The following ZC3H12B variants were observed in gnomAD, a reference collection of about 807,000 sequenced individuals.
ZC3H12B encodes probable ribonuclease ZC3H12B.
In ZC3H12B, 7 loss-of-function variants were observed where a neutral mutation model predicts 43.9. The observed-to-expected ratio is 0.16, with a 90% confidence interval of 0.09 to 0.30. The LOEUF is 0.30. Ranked by LOEUF, ZC3H12B falls within the 10% of genes least tolerant of loss-of-function variation. The pLI, the probability that ZC3H12B is intolerant of heterozygous loss-of-function variation, is 1.00. For synonymous variants in ZC3H12B, 222 were observed against 241.7 expected (o/e 0.92, Z 0.76); for missense variants, 475 against 670.2 (o/e 0.71, Z 3.22).
intron 1 of ZC3H12B, among the ~76,000 whole-genome samples, chrX:65,367,478 A>AT (rs948481338): frequency 6.3e-5 from 7 of 111,513 alleles, no homozygotes; most frequent in African/African-American, 1.6e-4. Flanking sequence ...GCTACATACC[A>AT]TTTTTTTGAA....
upstream of ZC3H12B, among the ~76,000 whole-genome samples, chrX:65,487,032 A>G (rs1481219765): frequency 8.9e-6 from 1 of 112,730 alleles, no homozygotes; most frequent in African/African-American, 3.2e-5. Context: ...GGAACTTATA[A>G]GGAAATTGGT....
At chrX:65,403,782 G>A (rs2066791057) in intron 3 of ZC3H12B, among the ~76,000 whole-genome samples, 2 of 111,440 alleles carry the variant, frequency 1.8e-5, no homozygotes, top group South Asian at 3.7e-4. Context: ...AAAAGCTGAG[G>A]GATTTCATTC....
chrX:65,070,025 AT>A, the ZC3H12B span, among the ~76,000 whole-genome samples: 293 of 99,090 alleles, frequency 3.0e-3, no homozygotes, highest in South Asian at 4.5e-3. Context: ...AGTGGTACAG[AT>A]TTTTTTTTTT....
chrX:65,215,466 C>T, the ZC3H12B span, among the ~76,000 whole-genome samples: 1 of 110,700 alleles, frequency 9.0e-6, no homozygotes, highest in Non-Finnish European at 1.9e-5. Context: ...ACTTCAACTT[C>T]ATGAATCAAC....
At chrX:65,453,684 C>T (rs915639080) in intron 3 of ZC3H12B, among the ~76,000 whole-genome samples, 3 of 108,327 alleles carry the variant, frequency 2.8e-5, no homozygotes, top group East Asian at 2.9e-4. Context: ...ATCATGCCAC[C>T]GCACTCGAGC....
At chrX:65,260,012 G>A in the ZC3H12B span, among the ~76,000 whole-genome samples, 8 of 111,385 alleles carry the variant, frequency 7.2e-5, no homozygotes, top group Admixed American at 9.6e-5. Context: ...ATATGTAGGC[G>A]TTGAGCTGTG....
the ZC3H12B span, among the ~76,000 whole-genome samples, chrX:65,250,946 A>T: frequency 9.0e-6 from 1 of 111,182 alleles, no homozygotes; most frequent in Non-Finnish European, 1.9e-5. Context: ...GTTTAATTAG[A>T]TCCCATTTGT....
chrX:65,190,751 C>A, the ZC3H12B span, among the ~76,000 whole-genome samples: 1 of 107,518 alleles, frequency 9.3e-6, no homozygotes, highest in South Asian at 4.2e-4. Flanking sequence ...CAAACAGGGA[C>A]AATTTGACTT....
intron 3 of ZC3H12B, among the ~76,000 whole-genome samples, chrX:65,436,478 C>T (rs1602435487): frequency 1.8e-5 from 2 of 112,465 alleles, no homozygotes; most frequent in East Asian, 5.5e-4. Flanking sequence ...GATCTTCCTT[C>T]CTCAGCCCAC....
intron 2 of ZC3H12B, among the ~76,000 whole-genome samples, chrX:65,372,303 C>T (rs2066255792): frequency 9.0e-6 from 1 of 111,673 alleles, no homozygotes; most frequent in Non-Finnish European, 1.9e-5. Flanking sequence ...CAAAAACATG[C>T]ATTCCAAGCC....
At chrX:65,448,855 AGAAGGGAG>A (rs1488222298) in intron 3 of ZC3H12B, among the ~76,000 whole-genome samples, 1 of 99,978 alleles carries the variant, frequency 1.0e-5, no homozygotes, top group African/African-American at 4.0e-5. Flanking sequence ...GAGGAAGGAA[AGAAGGGAG>A]GAAGGGAGGG....
chrX:65,465,965 G>A (rs181320437), intron 3 of ZC3H12B, among the ~76,000 whole-genome samples: 51 of 110,031 alleles, frequency 4.6e-4, no homozygotes, highest in African/African-American at 1.7e-3. Flanking sequence ...AAGCTAATTA[G>A]CATATCCATC....
the ZC3H12B span, among the ~76,000 whole-genome samples, chrX:65,142,899 T>C: frequency 1.8e-4 from 20 of 112,518 alleles, no homozygotes; most frequent in Non-Finnish European, 2.4e-4. Flanking sequence ...TTGGTGACTA[T>C]GGCCATATAG....
intron 3 of ZC3H12B, among the ~76,000 whole-genome samples, chrX:65,427,366 T>C (rs1236007438): frequency 9.0e-6 from 1 of 111,127 alleles, no homozygotes; most frequent in Non-Finnish European, 1.9e-5. Flanking sequence ...TCTTGCTCTC[T>C]CACCCAGGCT....
At chrX:65,502,794 C>A in exon 5 of ZC3H12B, 1 of 1,208,582 alleles carries the variant, frequency 8.3e-7, no homozygotes, top group Non-Finnish European at 1.1e-6. Flanking sequence ...CTGGTGATGA[C>A]TCGGATGGAT....
the ZC3H12B span, among the ~76,000 whole-genome samples, chrX:65,134,619 C>A: frequency 1.8e-5 from 2 of 111,321 alleles, no homozygotes; most frequent in African/African-American, 6.5e-5. Context: ...TCTGAGGACC[C>A]AAGGTCGTAG....
the ZC3H12B span, among the ~76,000 whole-genome samples, chrX:65,074,777 C>T: frequency 9.0e-6 from 1 of 111,621 alleles, no homozygotes; most frequent in Non-Finnish European, 1.9e-5. Context: ...TTTCAGTTCA[C>T]TTATTGTATT....
At chrX:65,126,223 G>A in the ZC3H12B span, among the ~76,000 whole-genome samples, 4 of 110,476 alleles carry the variant, frequency 3.6e-5, no homozygotes, top group South Asian at 7.6e-4. Context: ...TGGAAAATAC[G>A]GTATCTTTCC....
the ZC3H12B span, among the ~76,000 whole-genome samples, chrX:65,310,330 A>C: frequency 8.9e-6 from 1 of 111,767 alleles, no homozygotes; most frequent in South Asian, 3.7e-4. Flanking sequence ...AATGTGCAAA[A>C]ATCACAAGCA....
Sources: allele counts gnomAD v4.1 joint callset (sites outside exome capture counted in the v4.1 genomes callset), GRCh38; gene constraint gnomAD v4.1.1; transcripts MANE v1.5; gene names NCBI Gene and HGNC (gene_info 2026-07-23, HGNC 2026-07-21).